Variants in PRKG1 observed in about 807,000 individuals in gnomAD.
The protein encoded by PRKG1 is cGMP-dependent protein kinase 1.
A neutral mutation model predicts 88.1 loss-of-function variants in PRKG1; 35 were observed. That is an observed-to-expected ratio of 0.40 (90% CI 0.30 to 0.53). The LOEUF is 0.53. Among genes scored for constraint, PRKG1 ranks in the 20% least tolerant of loss-of-function variants. PRKG1 has a pLI of 0.59. For missense variants in PRKG1, 540 were observed against 839.8 expected, an observed-to-expected ratio of 0.64 and a Z score of 4.41; for synonymous variants, 303 against 292.5, an observed-to-expected ratio of 1.04 and a Z score of -0.37.
At chr10:52,141,063 G>A (rs1837568130) in intron 8 of PRKG1, among the ~76,000 whole-genome samples, 1 of 152,094 alleles carries the variant, frequency 6.6e-6, no homozygotes, top group South Asian at 2.1e-4. Context: ...ATGGTCACAG[G>A]AAAACAAATG....
chr10:51,903,711 A>G (rs1253119174), intron 4 of PRKG1, among the ~76,000 whole-genome samples: 1 of 152,172 alleles, frequency 6.6e-6, no homozygotes, highest in Non-Finnish European at 1.5e-5. Context: ...TTATTTATTT[A>G]TTTCCATATC....
chr10:51,609,960 G>A (rs1005820128), intron 3 of PRKG1, among the ~76,000 whole-genome samples: 46 of 152,130 alleles, frequency 3.0e-4, no homozygotes, highest in African/African-American at 1.1e-3. Flanking sequence ...TATGTAACCT[G>A]CACATCCTGC....
chr10:52,142,015 T>A (rs7918479), intron 8 of PRKG1, among the ~76,000 whole-genome samples: 103,392 of 152,028 alleles, frequency 0.68, 35,981 homozygotes, highest in South Asian at 0.76. Context: ...TCAGGTATAC[T>A]CAAATCACAC....
intron 5 of PRKG1, among the ~76,000 whole-genome samples, chr10:51,970,571 A>T (rs994949861): frequency 8.6e-5 from 13 of 150,340 alleles, no homozygotes; most frequent in Admixed American, 8.6e-4. Context: ...ATCAACTTTT[A>T]TTTTTTTATT....
chr10:51,955,576 A>G (rs1843284021), intron 5 of PRKG1, among the ~76,000 whole-genome samples: 2 of 152,176 alleles, frequency 1.3e-5, no homozygotes, highest in South Asian at 4.1e-4. Flanking sequence ...GCAAAATGTC[A>G]TTCGATTTCA....
intron 3 of PRKG1, among the ~76,000 whole-genome samples, chr10:51,619,801 TG>T (rs1460341464): frequency 2.0e-5 from 3 of 152,182 alleles, no homozygotes; most frequent in African/African-American, 7.2e-5. Flanking sequence ...TAAATGCAAG[TG>T]GGTCATTTCT....
intron 2 of PRKG1, among the ~76,000 whole-genome samples, chr10:51,413,851 T>C (rs1838169092): frequency 6.6e-6 from 1 of 152,214 alleles, no homozygotes; most frequent in South Asian, 2.1e-4. Context: ...GTTTCTTTGC[T>C]GAGTTCTGTT....
At chr10:51,378,370 T>G (rs906828581) in intron 2 of PRKG1, among the ~76,000 whole-genome samples, 1 of 152,166 alleles carries the variant, frequency 6.6e-6, no homozygotes, top group South Asian at 2.1e-4. Flanking sequence ...GGCAGAGAGA[T>G]TGATCTTATG....
At position 52,085,264 on chromosome 10, in the gene PRKG1, T is replaced by G. The variant is rs576750602; in HGVS notation, c.935+22633T>G. ...CATCAAATTATTCTCCCTCCCTCCC[T>G]CCCTCCCACTTTGATTTAGCATCCA... On this transcript the variant is annotated intron_variant, in intron 7 of 17. Coordinates refer to ENST00000373980, the MANE Select transcript of PRKG1 (RefSeq NM_006258.4). Among the ~76,000 whole-genome samples, 361 of 127,578 alleles carry G rather than the reference T, an allele frequency of 2.8e-3. 1 individual carries two copies. The highest frequency in any genetic ancestry group is 1.0e-2 in the African/African-American group (337 of 33,714). The allele number at this position is 127,578 out of a possible 152,430, so 83.7% of individuals were successfully genotyped here.
intron 3 of PRKG1, among the ~76,000 whole-genome samples, chr10:51,766,734 C>A (rs1589270001): frequency 6.6e-6 from 1 of 152,120 alleles, no homozygotes; most frequent in Non-Finnish European, 1.5e-5. Flanking sequence ...ACTTACCTAG[C>A]AAAGATCGCA....
intron 2 of PRKG1, among the ~76,000 whole-genome samples, chr10:51,214,904 T>A (rs1276875597): frequency 6.6e-6 from 1 of 152,132 alleles, no homozygotes; most frequent in Non-Finnish European, 1.5e-5. Flanking sequence ...CACAGAAGAC[T>A]CACTCTTGAC....
intron 3 of PRKG1, among the ~76,000 whole-genome samples, chr10:51,621,591 G>A (rs1281601803): frequency 6.6e-6 from 1 of 152,092 alleles, no homozygotes; most frequent in Non-Finnish European, 1.5e-5. Flanking sequence ...TATTCCTTCA[G>A]AGATGCAGAC....
At chr10:51,373,606 CT>C (rs1237061424) in intron 2 of PRKG1, among the ~76,000 whole-genome samples, 1 of 152,122 alleles carries the variant, frequency 6.6e-6, no homozygotes, top group Non-Finnish European at 1.5e-5. Flanking sequence ...CTACCCTCCC[CT>C]GACAGTCCCT....
intron 5 of PRKG1, among the ~76,000 whole-genome samples, chr10:51,973,002 A>C (rs1396416052): frequency 6.6e-6 from 1 of 152,266 alleles, no homozygotes; most frequent in East Asian, 1.9e-4. Context: ...AGAGGCACAG[A>C]AGTTGCTTCT....
At chr10:51,372,796 T>C (rs1842731151) in intron 2 of PRKG1, among the ~76,000 whole-genome samples, 2 of 152,156 alleles carry the variant, frequency 1.3e-5, no homozygotes. Flanking sequence ...TCACATGATT[T>C]TTCTGCTTCA....
chr10:51,604,002 T>C (rs1436122539), intron 3 of PRKG1, among the ~76,000 whole-genome samples: 2 of 152,024 alleles, frequency 1.3e-5, no homozygotes, highest in East Asian at 3.9e-4. Context: ...TGTGTCCTTA[T>C]AAGACTTTAT....
chr10:51,559,056 T>C (rs1416524406), intron 3 of PRKG1, among the ~76,000 whole-genome samples: 1 of 152,064 alleles, frequency 6.6e-6, no homozygotes, highest in Non-Finnish European at 1.5e-5. Context: ...TTCTCTTTTA[T>C]TATTAGTTGT....
chr10:51,598,416 G>A (rs189918989), intron 3 of PRKG1, among the ~76,000 whole-genome samples: 11 of 152,294 alleles, frequency 7.2e-5, no homozygotes, highest in Non-Finnish European at 1.3e-4. Flanking sequence ...TAGGACTACA[G>A]GTGCGTGCCA....
intron 4 of PRKG1, among the ~76,000 whole-genome samples, chr10:51,834,169 G>A (rs901068951): frequency 6.6e-6 from 1 of 152,060 alleles, no homozygotes. Flanking sequence ...TTCCCCAAAT[G>A]TGTTTCAATC....
Sources: allele counts gnomAD v4.1 joint callset (sites outside exome capture counted in the v4.1 genomes callset), GRCh38; gene constraint gnomAD v4.1.1; transcripts MANE v1.5; gene names NCBI Gene and HGNC (gene_info 2026-07-23, HGNC 2026-07-21).